Variants in L3MBTL4 observed in about 807,000 individuals in gnomAD.
L3MBTL4 encodes the protein L3MBTL histone methyl-lysine binding protein 4.
A neutral mutation model predicts 84.5 loss-of-function variants in L3MBTL4; 70 were observed. That is an observed-to-expected ratio of 0.83 (90% CI 0.68 to 1.01). L3MBTL4 has a LOEUF of 1.01. Among genes scored for constraint, L3MBTL4 ranks in the 50% least tolerant of loss-of-function variants. The pLI is 0.00. For synonymous variants in L3MBTL4, 274 were observed against 259.8 expected (o/e 1.05, Z -0.52); for missense variants, 715 against 754.8 (o/e 0.95, Z 0.62).
At chr18:6,124,204 A>T (rs2059615189) in intron 14 of L3MBTL4, among the ~76,000 whole-genome samples, 1 of 152,160 alleles carries the variant, frequency 6.6e-6, no homozygotes, top group South Asian at 2.1e-4. Flanking sequence ...GAAAAGATGG[A>T]GTCACGAGGG....
At chr18:6,366,318 G>C (rs2053931943) in intron 1 of L3MBTL4, among the ~76,000 whole-genome samples, 1 of 152,158 alleles carries the variant, frequency 6.6e-6, no homozygotes, top group Non-Finnish European at 1.5e-5. Context: ...TCCTAAAACT[G>C]TAGCCATACA....
chr18:6,205,014 C>T lies in L3MBTL4; in HGVS notation c.981+8135G>A, dbSNP rs143301616. Among the ~76,000 whole-genome samples, 21 of 152,292 alleles carry T rather than the reference C, an allele frequency of 1.4e-4. No individual in the cohort carries two copies. In the East Asian group the frequency reaches 2.3e-3, roughly 17 times the overall value. ...ATTGCATAAGGCAGAATAATAGGCTCCCAAAGATGTCGAAATTCTAATCCC... is the reference window on the plus strand; with the variant it reads ...ATTGCATAAGGCAGAATAATAGGCTTCCAAAGATGTCGAAATTCTAATCCC... On this transcript the variant is annotated intron_variant, in intron 12 of 18. Coordinates refer to ENST00000317931, the MANE Select transcript of L3MBTL4 (RefSeq NM_001330559.2).
At chr18:6,161,593 A>C (rs2043339586) in intron 13 of L3MBTL4, among the ~76,000 whole-genome samples, 1 of 152,216 alleles carries the variant, frequency 6.6e-6, no homozygotes, top group Non-Finnish European at 1.5e-5. Context: ...GAAAGACCTA[A>C]AATTTTAATA....
intron 1 of L3MBTL4, among the ~76,000 whole-genome samples, chr18:6,388,027 C>T (rs1468836815): frequency 6.6e-6 from 1 of 152,102 alleles, no homozygotes; most frequent in African/African-American, 2.4e-5. Flanking sequence ...CTCAGAGTCA[C>T]CAGGCCCAAG....
intron 16 of L3MBTL4, among the ~76,000 whole-genome samples, chr18:6,045,438 T>C (rs1231825561): frequency 6.6e-6 from 1 of 151,164 alleles, no homozygotes; most frequent in Non-Finnish European, 1.5e-5. Flanking sequence ...GACTGGGCAA[T>C]TTACAAAAGA....
chr18:6,320,964 A>G (rs1006078608), intron 1 of L3MBTL4, among the ~76,000 whole-genome samples: 6 of 152,174 alleles, frequency 3.9e-5, no homozygotes, highest in African/African-American at 1.4e-4. Flanking sequence ...CAAAGGATAC[A>G]AAAACATAAC....
rs551260724 is a variant in L3MBTL4 at position 6,338,195 on chromosome 18, G to A, written c.-90-26139C>T. Among the ~76,000 whole-genome samples the A allele has an allele frequency of 2.2e-4, 34 of 152,010 alleles. 1 individual carries two copies. Among genetic ancestry groups the A allele is most frequent in the African/African-American group, 8.0e-4 (33 of 41,508 alleles). On this transcript the variant is annotated intron_variant, in intron 1 of 18. Transcript: ENST00000317931. Reference sequence around the variant, plus strand: ...GAAGGAGAAAGAGGAGGAGGAGGAGGAAGAGAGAAGAAAAGCGGAGGAGGA... The same window carrying A: ...GAAGGAGAAAGAGGAGGAGGAGGAGAAAGAGAGAAGAAAAGCGGAGGAGGA...
At chr18:6,234,456 A>C (rs894670911) in intron 10 of L3MBTL4, among the ~76,000 whole-genome samples, 33 of 152,350 alleles carry the variant, frequency 2.2e-4, no homozygotes, top group South Asian at 6.2e-4. Flanking sequence ...CAATGAACTC[A>C]AACAAATTTA....
At chr18:6,189,611 T>C (rs2044966145) in intron 12 of L3MBTL4, among the ~76,000 whole-genome samples, 1 of 152,054 alleles carries the variant, frequency 6.6e-6, no homozygotes, top group East Asian at 1.9e-4. Context: ...AAAAAGAACA[T>C]TAATTACTAT....
intron 12 of L3MBTL4, among the ~76,000 whole-genome samples, chr18:6,195,538 C>A (rs920661186): frequency 1.3e-5 from 2 of 152,174 alleles, no homozygotes; most frequent in Non-Finnish European, 2.9e-5. Flanking sequence ...ATAAGTTATT[C>A]CCCTACAAGC....
intron 4 of L3MBTL4, among the ~76,000 whole-genome samples, chr18:6,267,487 A>G (rs959744248): frequency 1.3e-5 from 2 of 152,224 alleles, no homozygotes; most frequent in African/African-American, 2.4e-5. Context: ...AACCCTGAAG[A>G]TGCTCCAGGA....
rs139279277 is a variant in L3MBTL4, at chr18:6,385,055, C to T, written c.-91+29746G>A. Among the ~76,000 whole-genome samples, 5 of 152,008 alleles carry T rather than the reference C, an allele frequency of 3.3e-5. No individual in the cohort carries two copies. In the East Asian group the frequency reaches 5.8e-4, roughly 18 times the overall value. Reference sequence around the variant, plus strand: ...TTTGGATACGGAAGGGAGAGAAGTTCGTAAGTTCAAAGCAAAATATCTCAC... The same window carrying T: ...TTTGGATACGGAAGGGAGAGAAGTTTGTAAGTTCAAAGCAAAATATCTCAC... On this transcript the variant is annotated intron_variant, in intron 1 of 18. Coordinates refer to ENST00000317931, the MANE Select transcript of L3MBTL4 (RefSeq NM_001330559.2).
At chr18:6,386,597 C>G (rs899722734) in intron 1 of L3MBTL4, among the ~76,000 whole-genome samples, 4 of 152,108 alleles carry the variant, frequency 2.6e-5, no homozygotes, top group African/African-American at 9.7e-5. Flanking sequence ...GTCAGGGAGG[C>G]CTCTACCACA....
At chr18:5,999,558 C>T (rs2054126296) in intron 16 of L3MBTL4, among the ~76,000 whole-genome samples, 1 of 152,196 alleles carries the variant, frequency 6.6e-6, no homozygotes, top group South Asian at 2.1e-4. Context: ...TGCTAATCAG[C>T]AAGGAATATG....
At chr18:6,260,082 C>T (rs2048330477) in intron 5 of L3MBTL4, 1 of 152,086 alleles carries the variant, frequency 6.6e-6, no homozygotes, top group Non-Finnish European at 1.5e-5. Context: ...TCAGCTTTGT[C>T]AAAGATAAGA....
chr18:6,202,826 T>C (rs2045705195), intron 12 of L3MBTL4, among the ~76,000 whole-genome samples: 1 of 152,118 alleles, frequency 6.6e-6, no homozygotes, highest in African/African-American at 2.4e-5. Context: ...AACGTAGACA[T>C]ACAAAAGATG....
At chr18:6,401,221 C>T (rs138178944) in intron 1 of L3MBTL4, among the ~76,000 whole-genome samples, 6 of 152,220 alleles carry the variant, frequency 3.9e-5, no homozygotes, top group African/African-American at 1.4e-4. Flanking sequence ...ATAAAATGAT[C>T]GTATTCGTAT....
Position 6,408,755 on chromosome 18 carries a change from C to T in L3MBTL4, c.-91+6046G>A, listed in dbSNP as rs180680072. Among the ~76,000 whole-genome samples, 950 of 151,560 alleles carry T rather than the reference C, an allele frequency of 6.3e-3. 14 individuals carry two copies. Among genetic ancestry groups the T allele is most frequent in the African/African-American group, 0.021 (857 of 41,226 alleles). On this transcript the variant is annotated intron_variant, in intron 1 of 18. Coordinates refer to ENST00000317931, the MANE Select transcript of L3MBTL4 (RefSeq NM_001330559.2). ...AGAGTGCAGTTGTGCAATCTCGGCT[C>T]ACTGCAACCCCCACCTCCCGGGTTG...
At chr18:6,248,862 T>C (rs1386240123) in intron 5 of L3MBTL4, among the ~76,000 whole-genome samples, 1 of 152,202 alleles carries the variant, frequency 6.6e-6, no homozygotes, top group Non-Finnish European at 1.5e-5. Flanking sequence ...CAAGCCTTTT[T>C]TATATAAGCA....
Sources: allele counts gnomAD v4.1 joint callset (sites outside exome capture counted in the v4.1 genomes callset), GRCh38; gene constraint gnomAD v4.1.1; transcripts MANE v1.5; gene names NCBI Gene and HGNC (gene_info 2026-07-23, HGNC 2026-07-21).